ASCC1: variants seen among roughly 807,000 people sequenced by gnomAD.
The protein encoded by ASCC1 is activating signal cointegrator 1 complex subunit 1.
ASCC1 carries 35 observed loss-of-function variants against 46.6 expected under a neutral mutation model. The ratio of observed to expected loss-of-function variants is 0.75; its 90% CI spans 0.57 to 0.99. The LOEUF (loss-of-function observed/expected upper bound fraction) is 0.99. Ranked by LOEUF, ASCC1 falls within the 50% of genes least tolerant of loss-of-function variation. The probability of loss-of-function intolerance (pLI) is 0.00; values close to 1 mark genes in which losing one functional copy is unlikely to be tolerated. For missense variants in ASCC1, 376 were observed against 428.7 expected (o/e 0.88, Z 1.09); for synonymous variants, 143 against 146.6 (o/e 0.98, Z 0.18).
chr10:72,137,457 G>A (rs757153197), intron 7 of ASCC1, among the ~76,000 whole-genome samples: 3 of 151,158 alleles, frequency 2.0e-5, no homozygotes, highest in African/African-American at 4.9e-5. Context: ...GAACACGTGA[G>A]GCGGAGGTCG....
At chr10:72,211,376 G>A (rs911533098) in intron 2 of ASCC1, among the ~76,000 whole-genome samples, 2 of 151,956 alleles carry the variant, frequency 1.3e-5, no homozygotes, top group African/African-American at 4.8e-5. Context: ...ACTGCAGATT[G>A]AAAATATTTG....
At chr10:72,193,912 G>A (rs955289190) in intron 5 of ASCC1, among the ~76,000 whole-genome samples, 2 of 148,928 alleles carry the variant, frequency 1.3e-5, no homozygotes, top group Admixed American at 6.8e-5. Flanking sequence ...TCTGCTCACC[G>A]CAAGCTCCAC....
intron 4 of ASCC1, among the ~76,000 whole-genome samples, chr10:72,201,546 C>G (rs895782566): frequency 1.3e-5 from 2 of 151,716 alleles, no homozygotes; most frequent in Non-Finnish European, 2.9e-5. Flanking sequence ...ATTAGCTGGG[C>G]ATGGTGCTAA....
At chr10:72,181,709 A>G (rs1852651258) in intron 5 of ASCC1, among the ~76,000 whole-genome samples, 1 of 151,058 alleles carries the variant, frequency 6.6e-6, no homozygotes, top group Admixed American at 6.6e-5. Context: ...TTTTTCTGAG[A>G]TGGTCTCACT....
chr10:72,167,116 C>T (rs61464060), intron 5 of ASCC1, among the ~76,000 whole-genome samples: 28 of 152,184 alleles, frequency 1.8e-4, no homozygotes, highest in African/African-American at 6.3e-4. Flanking sequence ...TTCTACCCAA[C>T]GAAATGAAAA....
intron 5 of ASCC1, 145 bp downstream of exon 5, chr10:72,196,665 GT>G: frequency 2.5e-6 from 2 of 808,394 alleles, no homozygotes; most frequent in Non-Finnish European, 3.9e-6. Context: ...TTTTTTTTCA[GT>G]TCAATATAAG....
At chr10:72,196,214 T>C (rs1855397913) in intron 5 of ASCC1, among the ~76,000 whole-genome samples, 1 of 151,872 alleles carries the variant, frequency 6.6e-6, no homozygotes, top group African/African-American at 2.4e-5. Context: ...GGCATCTCAT[T>C]AACATTACCA....
At chr10:72,120,206 C>T (rs972889643) in intron 9 of ASCC1, among the ~76,000 whole-genome samples, 13 of 151,872 alleles carry the variant, frequency 8.6e-5, no homozygotes, top group African/African-American at 2.7e-4. Flanking sequence ...CCAGCCTGGG[C>T]GACAGAGTGA....
At position 72,202,860 on chromosome 10, in the gene ASCC1, C is replaced by A. The variant is rs376680857; in HGVS notation, c.310+567G>T. Among the ~76,000 whole-genome samples, 53 of 152,244 alleles carry A rather than the reference C, an allele frequency of 3.5e-4. 2 individuals carry two copies. In the South Asian group the frequency reaches 0.011, roughly 30 times the overall value. On this transcript the variant is annotated intron_variant, in intron 4 of 9. Coordinates refer to ENST00000672957, the MANE Select transcript of ASCC1 (RefSeq NM_001198800.3). ...GCATGAAAAGAAATCTCCTAATACA[C>A]AGTGAAATCTGGAAGCTTTATTCCA...
At chr10:72,207,438 T>G (rs546058648) in intron 3 of ASCC1, among the ~76,000 whole-genome samples, 13 of 152,178 alleles carry the variant, frequency 8.5e-5, no homozygotes, top group African/African-American at 3.1e-4. Flanking sequence ...AATAAAATAT[T>G]TGCTACAATA....
intron 7 of ASCC1, among the ~76,000 whole-genome samples, chr10:72,152,181 T>TG (rs1193194403): frequency 1.6e-4 from 24 of 150,782 alleles, no homozygotes; most frequent in East Asian, 1.4e-3. Context: ...GGTTTTTTTT[T>TG]TTTTGTTTTT....
intron 9 of ASCC1, among the ~76,000 whole-genome samples, chr10:72,104,585 T>C (rs1027338236): frequency 7.9e-5 from 12 of 152,144 alleles, no homozygotes; most frequent in Non-Finnish European, 1.2e-4. Context: ...AGAATCTAGT[T>C]AAGGTGTCTG....
intron 9 of ASCC1, among the ~76,000 whole-genome samples, chr10:72,098,181 G>T (rs1841311844): frequency 6.6e-6 from 1 of 152,156 alleles, no homozygotes; most frequent in African/African-American, 2.4e-5. Context: ...ACTCCAAGAG[G>T]GACTGGACTT....
chr10:72,204,047 G>A (rs915344364), intron 3 of ASCC1, among the ~76,000 whole-genome samples: 6 of 152,166 alleles, frequency 3.9e-5, no homozygotes, highest in Admixed American at 3.3e-4. Flanking sequence ...TCAAGAGTTC[G>A]AGACCAGCCT....
chr10:72,185,093 G>C (rs1240747483), intron 5 of ASCC1, among the ~76,000 whole-genome samples: 1 of 152,186 alleles, frequency 6.6e-6, no homozygotes, highest in Non-Finnish European at 1.5e-5. Context: ...ATGCCTACTA[G>C]AGAGGGTTAA....
intron 9 of ASCC1, among the ~76,000 whole-genome samples, chr10:72,122,147 G>A (rs1452872380): frequency 3.3e-5 from 5 of 152,146 alleles, no homozygotes; most frequent in South Asian, 2.1e-4. Context: ...TCAGCCAGGC[G>A]CAGCGGCTCA....
At chr10:72,157,002 T>C (rs1849060815) in intron 6 of ASCC1, among the ~76,000 whole-genome samples, 1 of 152,134 alleles carries the variant, frequency 6.6e-6, no homozygotes, top group East Asian at 1.9e-4. Context: ...GACACTTTTC[T>C]TTCCATGTTG....
chr10:72,195,564 T>A (rs201207070), intron 5 of ASCC1, among the ~76,000 whole-genome samples: 5,501 of 135,266 alleles, frequency 0.041, 295 homozygotes, highest in African/African-American at 0.15. Flanking sequence ...ATTTTATTTA[T>A]TTTTTTTTTG....
intron 5 of ASCC1, among the ~76,000 whole-genome samples, chr10:72,195,351 G>A (rs917100162): frequency 6.6e-6 from 1 of 151,230 alleles, no homozygotes; most frequent in African/African-American, 2.4e-5. Flanking sequence ...TTGCTGCTAT[G>A]TTACCCAAGT....
Sources: allele counts gnomAD v4.1 joint callset (sites outside exome capture counted in the v4.1 genomes callset), GRCh38; gene constraint gnomAD v4.1.1; transcripts MANE v1.5; gene names NCBI Gene and HGNC (gene_info 2026-07-23, HGNC 2026-07-21).